The following FHIT variants were observed in gnomAD, a reference collection of about 807,000 sequenced individuals.
FHIT encodes the protein bis(5'-adenosyl)-triphosphatase.
A neutral mutation model predicts 17.9 loss-of-function variants in FHIT; 19 were observed. The ratio of observed to expected loss-of-function variants is 1.06; its 90% CI spans 0.74 to 1.56. The LOEUF is 1.56. FHIT is among the 40% of genes most tolerant of loss of function. The probability of loss-of-function intolerance (pLI) is 0.00; values close to 1 mark genes in which losing one functional copy is unlikely to be tolerated. For synonymous variants in FHIT, 81 were observed against 69.7 expected, an observed-to-expected ratio of 1.16 and a Z score of -0.81; for missense variants, 248 against 189.2, an observed-to-expected ratio of 1.31 and a Z score of -1.82.
chr3:60,157,788 A>T (rs1700765836), intron 5 of FHIT, among the ~76,000 whole-genome samples: 1 of 152,122 alleles, frequency 6.6e-6, no homozygotes, highest in Admixed American at 6.5e-5. Flanking sequence ...GGAACTGGAA[A>T]CTATTTCACA....
intron 2 of FHIT, among the ~76,000 whole-genome samples, chr3:61,116,992 C>A (rs1219086460): frequency 6.6e-6 from 1 of 152,054 alleles, no homozygotes; most frequent in Non-Finnish European, 1.5e-5. Context: ...ATAATATCAA[C>A]CCAGTCATTA....
At chr3:60,523,130 T>C (rs186148617) in intron 5 of FHIT, among the ~76,000 whole-genome samples, 1 of 152,140 alleles carries the variant, frequency 6.6e-6, no homozygotes, top group East Asian at 1.9e-4. Context: ...GATTCAATTA[T>C]CTCCCACGGG....
intron 5 of FHIT, among the ~76,000 whole-genome samples, chr3:60,259,495 G>A (rs1706186803): frequency 6.6e-6 from 1 of 152,150 alleles, no homozygotes; most frequent in African/African-American, 2.4e-5. Flanking sequence ...GACAGGATGG[G>A]AAGACCTTAA....
chr3:61,079,422 G>A (rs2035066062), intron 2 of FHIT, among the ~76,000 whole-genome samples: 1 of 152,044 alleles, frequency 6.6e-6, no homozygotes, highest in Non-Finnish European at 1.5e-5. Flanking sequence ...CCATAATATG[G>A]AATATAAACT....
chr3:60,136,773 G>A (rs576081572), intron 5 of FHIT, among the ~76,000 whole-genome samples: 9 of 152,240 alleles, frequency 5.9e-5, no homozygotes, highest in East Asian at 3.9e-4. Flanking sequence ...CCCCTCTCAC[G>A]AGGCCATGTA....
At chr3:60,292,307 C>G (rs1483044544) in intron 5 of FHIT, among the ~76,000 whole-genome samples, 1 of 152,198 alleles carries the variant, frequency 6.6e-6, no homozygotes, top group East Asian at 1.9e-4. Flanking sequence ...TGAATATAAA[C>G]CAAGACCTAT....
intron 4 of FHIT, among the ~76,000 whole-genome samples, chr3:60,542,390 A>G (rs895827564): frequency 6.6e-6 from 1 of 152,220 alleles, no homozygotes; most frequent in Non-Finnish European, 1.5e-5. Flanking sequence ...TATATGCACC[A>G]GCTTGCACGC....
chr3:60,566,278 T>C (rs1433495998), intron 4 of FHIT, among the ~76,000 whole-genome samples: 4 of 152,074 alleles, frequency 2.6e-5, no homozygotes, highest in Admixed American at 2.0e-4. Context: ...GTGGGTTTCA[T>C]CCCTGGGATG....
chr3:60,322,243 T>C (rs1709466817), intron 5 of FHIT, among the ~76,000 whole-genome samples: 2 of 152,234 alleles, frequency 1.3e-5, no homozygotes, highest in Non-Finnish European at 2.9e-5. Flanking sequence ...AGCACTAAAA[T>C]GTCTCTTTTT....
chr3:61,084,207 A>G (rs1183633246), intron 2 of FHIT, among the ~76,000 whole-genome samples: 1 of 152,188 alleles, frequency 6.6e-6, no homozygotes, highest in Non-Finnish European at 1.5e-5. Flanking sequence ...ATCTTTCTCA[A>G]AATTCAAGTG....
At chr3:60,106,455 G>A (rs979579133) in intron 5 of FHIT, among the ~76,000 whole-genome samples, 3 of 152,166 alleles carry the variant, frequency 2.0e-5, no homozygotes, top group Admixed American at 2.0e-4. Flanking sequence ...CATGATAAGT[G>A]CTTAATTAAG....
intron 8 of FHIT, among the ~76,000 whole-genome samples, chr3:59,776,139 C>T (rs1218974435): frequency 6.6e-6 from 1 of 152,236 alleles, no homozygotes; most frequent in Non-Finnish European, 1.5e-5. Flanking sequence ...CCCATCCTGG[C>T]AGCATGGGCT....
intron 5 of FHIT, among the ~76,000 whole-genome samples, chr3:60,133,727 G>A (rs532965606): frequency 6.6e-6 from 1 of 151,614 alleles, no homozygotes; most frequent in African/African-American, 2.4e-5. Flanking sequence ...CTCTGCCAGA[G>A]CTCCTCCTGA....
intron 2 of FHIT, among the ~76,000 whole-genome samples, chr3:61,187,295 G>C (rs531098873): frequency 6.6e-6 from 1 of 152,314 alleles, no homozygotes; most frequent in East Asian, 1.9e-4. Flanking sequence ...AGACACTGCT[G>C]AGGGCCTGTC....
At chr3:60,168,121 C>T (rs1241291586) in intron 5 of FHIT, among the ~76,000 whole-genome samples, 1 of 152,168 alleles carries the variant, frequency 6.6e-6, no homozygotes, top group Non-Finnish European at 1.5e-5. Flanking sequence ...TTTTGATGTT[C>T]ATAGTTGCAG....
intron 3 of FHIT, among the ~76,000 whole-genome samples, chr3:60,871,046 T>C (rs895582941): frequency 1.3e-5 from 2 of 152,126 alleles, no homozygotes; most frequent in African/African-American, 2.4e-5. Context: ...ACTGAGAACA[T>C]GATTTTTAGG....
At chr3:60,551,085 G>A (rs2036530904) in intron 4 of FHIT, among the ~76,000 whole-genome samples, 2 of 152,042 alleles carry the variant, frequency 1.3e-5, no homozygotes, top group African/African-American at 4.8e-5. Flanking sequence ...GGAGGAAACA[G>A]CAATTGCCAA....
intron 2 of FHIT, among the ~76,000 whole-genome samples, chr3:61,050,377 A>G (rs546114408): frequency 1.3e-5 from 2 of 152,336 alleles, no homozygotes; most frequent in African/African-American, 4.8e-5. Flanking sequence ...GACAAGCAAC[A>G]TAACAATTCA....
In FHIT at chr3:60,583,497, C is replaced by T. The variant is rs181757398; in HGVS notation, c.-17-46518G>A. On this transcript the variant is annotated intron_variant, in intron 4 of 9. Coordinates refer to ENST00000492590, the MANE Select transcript of FHIT (RefSeq NM_002012.4). ...ATGATGTGAGGATATAGATGACAGACGATATGAACAAAAAGGGCAAGACTG... is the reference window on the plus strand; with the variant it reads ...ATGATGTGAGGATATAGATGACAGATGATATGAACAAAAAGGGCAAGACTG... Among the ~76,000 whole-genome samples the T allele has an allele frequency of 3.2e-3, 487 of 152,042 alleles. 6 individuals carry two copies. Among genetic ancestry groups the T allele is most frequent in the Middle Eastern group, 3.4e-3 (1 of 294 alleles).
Sources: gnomAD v4.1 joint callset for allele counts (sites outside exome capture counted in the v4.1 genomes callset) on GRCh38, gnomAD v4.1.1 for gene constraint, MANE v1.5 for transcripts, NCBI Gene and HGNC (gene_info 2026-07-23, HGNC 2026-07-21) for gene names.